Variants in KIT observed in about 807,000 individuals in gnomAD.
The protein encoded by KIT is mast/stem cell growth factor receptor Kit.
KIT carries 16 observed loss-of-function variants against 105.7 expected under a neutral mutation model. The ratio of observed to expected loss-of-function variants is 0.15; its 90% CI spans 0.10 to 0.23. The LOEUF is 0.23. Ranked by LOEUF, KIT falls within the 10% of genes least tolerant of loss-of-function variation. The pLI, the probability that KIT is intolerant of heterozygous loss-of-function variation, is 1.00. For synonymous variants in KIT, 438 were observed against 441.1 expected (o/e 0.99, Z 0.09); for missense variants, 858 against 1,213.8 (o/e 0.71, Z 4.36).
chr4:54,728,223 T>G (rs1047035137), intron 13 of KIT, 102 bp downstream of exon 13: 1 of 825,266 alleles, frequency 1.2e-6, no homozygotes, highest in South Asian at 1.4e-5. Context: ...GCTTGGAAGA[T>G]TTTTTTACCC....
intron 7 of KIT, among the ~76,000 whole-genome samples, chr4:54,711,402 T>G (rs758665397): frequency 2.6e-5 from 4 of 152,220 alleles, no homozygotes; most frequent in Admixed American, 2.0e-4. Flanking sequence ...AACACATATC[T>G]TTATTACTGG....
At chr4:54,715,368 T>TA (rs34247930) in intron 7 of KIT, among the ~76,000 whole-genome samples, 63,834 of 142,518 alleles carry the variant, frequency 0.45, 15,310 homozygotes, top group Admixed American at 0.55. Flanking sequence ...GTGTTGCTGT[T>TA]AAAAAAAAAA....
intron 7 of KIT, 135 bp from the exon 8 acceptor site, chr4:54,723,449 A>C: frequency 1.4e-6 from 1 of 702,516 alleles, no homozygotes; most frequent in South Asian, 1.5e-5. Context: ...CTTGGTTCAG[A>C]TTCTGCCCTT....
At chr4:54,690,492 C>T (rs542685238) in intron 1 of KIT, among the ~76,000 whole-genome samples, 150 of 152,308 alleles carry the variant, frequency 9.8e-4, no homozygotes, top group African/African-American at 3.4e-3. Flanking sequence ...AGCTTAAAGC[C>T]GTCATTCCTT....
chr4:54,676,030 G>A (rs1718439731), intron 1 of KIT, among the ~76,000 whole-genome samples: 1 of 152,182 alleles, frequency 6.6e-6, no homozygotes, highest in Admixed American at 6.5e-5. Flanking sequence ...GTGCTAGGCC[G>A]ATTTCTAGGT....
At chr4:54,687,880 T>C (rs1003695096) in intron 1 of KIT, among the ~76,000 whole-genome samples, 1 of 152,206 alleles carries the variant, frequency 6.6e-6, no homozygotes, top group African/African-American at 2.4e-5. Flanking sequence ...TGATGTTTTA[T>C]TTCATTAGCA....
chr4:54,709,618 C>T, intron 7 of KIT, 79 bp downstream of exon 7: 1 of 846,810 alleles, frequency 1.2e-6, no homozygotes, highest in Non-Finnish European at 2.0e-6. Flanking sequence ...TGCAAGGACT[C>T]AACTTGTGTA....
chr4:54,723,781 T>C (rs952257898), intron 8 of KIT, 83 bp downstream of exon 8: 11 of 940,296 alleles, frequency 1.2e-5, no homozygotes, highest in Admixed American at 1.1e-4. Flanking sequence ...GTTTTCTGAT[T>C]TTTTTTAAAA....
At chr4:54,677,280 G>T (rs567145942) in intron 1 of KIT, among the ~76,000 whole-genome samples, 3 of 95,862 alleles carry the variant, frequency 3.1e-5, no homozygotes, top group South Asian at 4.0e-4. Flanking sequence ...CCCCACCCTC[G>T]TCCCAGGAGC....
chr4:54,699,826 C>T lies in KIT; in HGVS notation c.756+60C>T. ...CTCTGTGGGAGATGATAAGTTTTCT[C>T]TTTCAGAAGAGTCTGTCCTGAAACT... On this transcript the variant is annotated intron_variant, in intron 4 of 20. Transcript: ENST00000288135. 4 of 1,595,556 alleles carry T rather than the reference C, an allele frequency of 2.5e-6. No homozygotes were observed. In the East Asian group the frequency reaches 6.7e-5, roughly 27 times the overall value.
chr4:54,668,004 G>T (rs1046176290), intron 1 of KIT, among the ~76,000 whole-genome samples: 3 of 152,218 alleles, frequency 2.0e-5, no homozygotes, highest in African/African-American at 7.2e-5. Context: ...CCTTTCATTT[G>T]CTTATTAACA....
chr4:54,692,203 CA>C (rs2109648201), intron 1 of KIT, among the ~76,000 whole-genome samples: 1 of 152,344 alleles, frequency 6.6e-6, no homozygotes, highest in Admixed American at 6.5e-5. Flanking sequence ...CAAGTCTAGA[CA>C]GTCCTAACTC....
At chr4:54,711,462 G>A (rs1407391677) in intron 7 of KIT, among the ~76,000 whole-genome samples, 1 of 152,166 alleles carries the variant, frequency 6.6e-6, no homozygotes, top group South Asian at 2.1e-4. Flanking sequence ...AGGGGGCCAT[G>A]GGATAGGATG....
At chr4:54,690,541 C>G (rs951476383) in intron 1 of KIT, among the ~76,000 whole-genome samples, 2 of 152,154 alleles carry the variant, frequency 1.3e-5, no homozygotes, top group Admixed American at 6.5e-5. Flanking sequence ...GGTTTTGCCA[C>G]CTATCCTTTT....
intron 2 of KIT, among the ~76,000 whole-genome samples, chr4:54,696,926 G>A (rs1195741872): frequency 2.0e-5 from 3 of 152,246 alleles, no homozygotes; most frequent in African/African-American, 7.2e-5. Context: ...TTTCCAGGTG[G>A]CAATGAAGTA....
intron 7 of KIT, among the ~76,000 whole-genome samples, chr4:54,710,794 G>T (rs1405330270): frequency 6.6e-6 from 1 of 152,192 alleles, no homozygotes; most frequent in Non-Finnish European, 1.5e-5. Context: ...ACCTGCTTCA[G>T]CCTCCCAAAG....
Position 54,727,289 on chromosome 4 carries a change from A to C in KIT, c.1612A>C (p.Ile538Leu). 6.2e-7 allele frequency: 1 copy of C among 1,614,168 alleles called. No individual in the cohort carries two copies. Among genetic ancestry groups the C allele is most frequent in the Non-Finnish European group, 8.5e-7 (1 of 1,179,986 alleles). Residue 538 changes from isoleucine to leucine, a missense_variant, in exon 10 of 21, where the codon ATT becomes CTT. Physicochemically the swap from Ile to Leu is conservative, Grantham distance 5. Transcript: ENST00000288135. Reference sequence around the variant, plus strand: ...CGTAATCGTAGCTGGCATGATGTGCATTATTGTGATGATTCTGACCTACAA... The same window carrying C: ...CGTAATCGTAGCTGGCATGATGTGCCTTATTGTGATGATTCTGACCTACAA... Reference protein sequence around the residue: ...GFVIVAGMMCIIVMILTYKYL... With the variant: ...GFVIVAGMMCLIVMILTYKYL...
intron 1 of KIT, among the ~76,000 whole-genome samples, chr4:54,684,648 C>A (rs1261035806): frequency 2.6e-5 from 4 of 152,190 alleles, no homozygotes; most frequent in Non-Finnish European, 5.9e-5. Context: ...CCTCCTCCCC[C>A]AAACTCCTCC....
chr4:54,683,092 A>G (rs1719065457), intron 1 of KIT, among the ~76,000 whole-genome samples: 1 of 152,142 alleles, frequency 6.6e-6, no homozygotes, highest in African/African-American at 2.4e-5. Flanking sequence ...TTAATTCCAA[A>G]CATACAATGT....
Sources: allele counts gnomAD v4.1 joint callset (sites outside exome capture counted in the v4.1 genomes callset), GRCh38; gene constraint gnomAD v4.1.1; transcripts MANE v1.5; gene names NCBI Gene and HGNC (gene_info 2026-07-23, HGNC 2026-07-21).